The following TAF15 variants were observed in gnomAD, a reference collection of about 807,000 sequenced individuals.
TAF15 encodes the protein TATA-binding protein-associated factor 2N.
Under a neutral mutation model 102.5 loss-of-function variants are expected in TAF15, and 37 were observed. The ratio of observed to expected loss-of-function variants is 0.36; its 90% confidence interval spans 0.28 to 0.47. The LOEUF (loss-of-function observed/expected upper bound fraction) is 0.47, where lower values mean the gene tolerates loss of function less well. Among genes scored for constraint, TAF15 ranks in the 20% least tolerant of loss-of-function variants. The probability of loss-of-function intolerance (pLI) is 0.99; values close to 1 mark genes in which losing one functional copy is unlikely to be tolerated. For synonymous variants in TAF15, 273 were observed against 259.2 expected (o/e 1.05, Z -0.51); for missense variants, 652 against 760.7 (o/e 0.86, Z 1.68).
chr17:35,823,706 CAA>C (rs57004932), intron 6 of TAF15: 34,588 of 157,842 alleles, frequency 0.22, 1,446 homozygotes, highest in African/African-American at 0.34. Flanking sequence ...CTCTTGTCTC[CAA>C]AAAAAAAAAA....
intron 8 of TAF15, 106 bp downstream of exon 8, chr17:35,834,047 G>A: frequency 2.6e-6 from 3 of 1,169,148 alleles, no homozygotes; most frequent in Non-Finnish European, 2.5e-6. Flanking sequence ...CTCTGTTGAG[G>A]CTGGTGTGTG....
Position 35,833,944 on chromosome 17 carries a change from A to G in TAF15, c.640+3A>G. 6.2e-7 allele frequency: 1 copy of G among 1,613,912 alleles called. No homozygotes were observed. The highest frequency in any genetic ancestry group is 1.1e-5 in the South Asian group (1 of 91,050). On this transcript the variant is annotated splice_donor_region_variant and intron_variant, in intron 8 of 15. Coordinates refer to ENST00000605844, the MANE Select transcript of TAF15 (RefSeq NM_139215.3). The stretch of plus-strand genomic sequence containing the variant: ...CGGTGGCTTCAAAAATTTTGGTGGT[A>G]AGTGCTGAGTATCCCAAAATGTTTC...
intron 11 of TAF15, among the ~76,000 whole-genome samples, chr17:35,840,778 T>C (rs937438666): frequency 6.6e-6 from 1 of 151,768 alleles, no homozygotes; most frequent in African/African-American, 2.4e-5. Context: ...GCAGGAGACT[T>C]GCTTGAACCC....
intron 2 of TAF15, 145 bp from the exon 3 acceptor site, chr17:35,819,879 T>C (rs2087239031): frequency 4.0e-6 from 3 of 741,820 alleles, no homozygotes; most frequent in African/African-American, 3.6e-5. Flanking sequence ...CACCTTTCAA[T>C]TTAGACTCTA....
intron 9 of TAF15, among the ~76,000 whole-genome samples, chr17:35,835,356 T>A (rs1306489398): frequency 1.3e-5 from 2 of 152,174 alleles, no homozygotes; most frequent in African/African-American, 4.8e-5. Flanking sequence ...AGAATTGTCT[T>A]ATTTTGGGTA....
At chr17:35,828,466 G>T (rs1386975838) in intron 7 of TAF15, among the ~76,000 whole-genome samples, 1 of 152,176 alleles carries the variant, frequency 6.6e-6, no homozygotes, top group Non-Finnish European at 1.5e-5. Flanking sequence ...GGTCATGATG[G>T]CCTGCGCCTG....
chr17:35,845,663 C>A (rs1322693464), intron 15 of TAF15, among the ~76,000 whole-genome samples: 2 of 152,144 alleles, frequency 1.3e-5, no homozygotes, highest in Non-Finnish European at 2.9e-5. Context: ...GCGCCCGCCA[C>A]CACGCCCGGC....
chr17:35,815,871 G>A (rs999915784), intron 1 of TAF15, among the ~76,000 whole-genome samples: 4 of 152,086 alleles, frequency 2.6e-5, no homozygotes, highest in African/African-American at 9.7e-5. Flanking sequence ...CATGGGCCTG[G>A]CAGTGATGTG....
intron 1 of TAF15, among the ~76,000 whole-genome samples, chr17:35,812,749 G>A (rs1182336928): frequency 1.3e-5 from 2 of 152,014 alleles, no homozygotes; most frequent in African/African-American, 4.8e-5. Context: ...ATGACAAATA[G>A]GATTAGAGCC....
chr17:35,841,466 GT>G (rs1164796614), intron 11 of TAF15, among the ~76,000 whole-genome samples: 1 of 151,302 alleles, frequency 6.6e-6, no homozygotes, highest in East Asian at 1.9e-4. Flanking sequence ...AGGTAGACAT[GT>G]GCACCTGACT....
At chr17:35,817,981 G>C (rs1267317884) in intron 2 of TAF15, among the ~76,000 whole-genome samples, 1 of 152,164 alleles carries the variant, frequency 6.6e-6, no homozygotes, top group African/African-American at 2.4e-5. Flanking sequence ...GGAGTGCAGT[G>C]GCAAATCATA....
At chr17:35,827,160 G>A (rs1054599088) in intron 7 of TAF15, among the ~76,000 whole-genome samples, 3 of 151,762 alleles carry the variant, frequency 2.0e-5, no homozygotes, top group Admixed American at 2.0e-4. Flanking sequence ...GGGAGGCCGA[G>A]GCATTTCCAC....
chr17:35,822,958 G>T, intron 6 of TAF15, 125 bp downstream of exon 6: 9 of 1,162,800 alleles, frequency 7.7e-6, no homozygotes, highest in Non-Finnish European at 1.1e-5. Context: ...TTGAAGATAT[G>T]TTCCCTCTCA....
At chr17:35,811,919 G>A (rs2087128982) in intron 1 of TAF15, among the ~76,000 whole-genome samples, 1 of 152,114 alleles carries the variant, frequency 6.6e-6, no homozygotes, top group African/African-American at 2.4e-5. Flanking sequence ...ACTAAGAAAG[G>A]ACAAACCCCC....
At chr17:35,833,600 G>T in intron 7 of TAF15, 1 of 264,066 alleles carries the variant, frequency 3.8e-6, no homozygotes, top group East Asian at 6.4e-5. Context: ...TATTTTTCAT[G>T]CTGTGCCTCC....
At chr17:35,845,121 TG>T (rs1410460440) in intron 15 of TAF15, 83 bp downstream of exon 15, 14 of 1,573,916 alleles carry the variant, frequency 8.9e-6, no homozygotes, top group Non-Finnish European at 1.1e-5. Context: ...AACAATTTTT[TG>T]GAACTTGAAT....
chr17:35,839,552 T>G (rs2087518216), intron 11 of TAF15, among the ~76,000 whole-genome samples: 2 of 151,834 alleles, frequency 1.3e-5, no homozygotes, highest in African/African-American at 2.4e-5. Flanking sequence ...CTGCTAATTT[T>G]TTTGTATTTT....
At chr17:35,841,967 A>G (rs2087553414) in intron 11 of TAF15, among the ~76,000 whole-genome samples, 1 of 151,882 alleles carries the variant, frequency 6.6e-6, no homozygotes, top group Admixed American at 6.6e-5. Context: ...AAAAGTGCTG[A>G]GATTACAGAT....
At chr17:35,822,548 C>G in intron 5 of TAF15, 92 bp from the exon 6 acceptor site, 1 of 1,170,100 alleles carries the variant, frequency 8.5e-7, no homozygotes, top group Non-Finnish European at 1.2e-6. Flanking sequence ...ATGTCTCTAA[C>G]TGGTCAGGAC....
Sources: allele counts gnomAD v4.1 joint callset (sites outside exome capture counted in the v4.1 genomes callset), GRCh38; gene constraint gnomAD v4.1.1; transcripts MANE v1.5; gene names NCBI Gene and HGNC (gene_info 2026-07-23, HGNC 2026-07-21).